CAND2: variants seen among roughly 807,000 people sequenced by gnomAD.
CAND2 encodes the protein cullin associated and neddylation dissociated 2 (putative).
A neutral mutation model predicts 98.9 loss-of-function variants in CAND2; 62 were observed. That is an observed-to-expected ratio of 0.63 (90% confidence interval 0.51 to 0.77). The LOEUF (loss-of-function observed/expected upper bound fraction) is 0.77, where lower values mean the gene tolerates loss of function less well. CAND2 is among the 30% of genes least tolerant of loss of function. The pLI is 0.00. For missense variants in CAND2, 1,501 were observed against 1,655.2 expected (o/e 0.91, Z 1.62); for synonymous variants, 770 against 731.9 (o/e 1.05, Z -0.84).
intron 11 of CAND2, among the ~76,000 whole-genome samples, chr3:12,821,132 G>A (rs1290851540): frequency 6.6e-6 from 1 of 152,072 alleles, no homozygotes; most frequent in African/African-American, 2.4e-5. Flanking sequence ...TACTCTGGAG[G>A]CTGAGGCAGG....
chr3:12,816,493 A>C lies in CAND2; in HGVS notation c.1561A>C (p.Ile521Leu), dbSNP rs779522574. 9 of 1,613,802 alleles carry C rather than the reference A, an allele frequency of 5.6e-6. No homozygotes were observed. Among genetic ancestry groups the C allele is most frequent in the Non-Finnish European group, 6.8e-6 (8 of 1,179,952 alleles). ...TGAGGCCTTCCACCCACACTTGCCT[A>C]TCCTCCTGCCACCTGTGATGGCCTG... is the stretch of plus-strand genomic sequence containing the variant. The part of the protein sequence containing the change: ...PAEAFHPHLP[I>L]LLPPVMACVA... The change falls in exon 10 of 15, where the codon ATC becomes CTC. Residue 521 changes from isoleucine to leucine, a missense_variant. By Grantham distance (5) the Ile-to-Leu change is conservative. Transcript: ENST00000456430.
intron 14 of CAND2, among the ~76,000 whole-genome samples, chr3:12,833,048 G>T (rs1473231225): frequency 6.6e-6 from 1 of 152,192 alleles, no homozygotes; most frequent in Non-Finnish European, 1.5e-5. Flanking sequence ...GTAGTTACCT[G>T]AAGTCACAGC....
At chr3:12,820,486 A>G (rs2061948691) in intron 11 of CAND2, among the ~76,000 whole-genome samples, 1 of 152,234 alleles carries the variant, frequency 6.6e-6, no homozygotes, top group African/African-American at 2.4e-5. Context: ...CTGGAAGCCC[A>G]TGGGCAACTG....
intron 1 of CAND2, among the ~76,000 whole-genome samples, chr3:12,802,847 C>T (rs1369634554): frequency 6.6e-6 from 1 of 152,168 alleles, no homozygotes; most frequent in Non-Finnish European, 1.5e-5. Flanking sequence ...GCCTGTTGCT[C>T]CTAGGCTACA....
intron 2 of CAND2, among the ~76,000 whole-genome samples, chr3:12,805,655 C>G (rs887439375): frequency 6.6e-6 from 1 of 152,132 alleles, no homozygotes; most frequent in Admixed American, 6.6e-5. Flanking sequence ...AATTTTCCTT[C>G]AATTTACCTG....
rs181914162 is a variant in CAND2 at position 12,816,791 on chromosome 3, G to A, written c.1859G>A (p.Arg620His). 524 of 1,613,618 alleles carry A rather than the reference G, an allele frequency of 3.2e-4. 2 individuals are homozygous for A. The African/African-American group carries it at 6.0e-3, about 18-fold the overall frequency. The stretch of plus-strand genomic sequence containing the variant: ...CCCACGTTACTGCTCCTCCTGGACC[G>A]CCTGCGGAATGAGATCACCCGGCTG... ...LEPTLLLLLD[R>H]LRNEITRLPA... is the part of the protein sequence containing the mutation. The change falls in exon 10 of 15, where the codon CGC (arginine) becomes CAC (histidine). Residue 620 changes from arginine to histidine, a missense_variant. Transcript: ENST00000456430.
At chr3:12,816,264 T>G in intron 9 of CAND2, 110 bp from the exon 10 acceptor site, 1 of 1,115,134 alleles carries the variant, frequency 9.0e-7, no homozygotes, top group Non-Finnish European at 1.3e-6. Flanking sequence ...CAGAAGAGTT[T>G]AGGTGCTTCA....
intron 11 of CAND2, among the ~76,000 whole-genome samples, chr3:12,823,558 C>T (rs2061975475): frequency 2.0e-5 from 3 of 152,140 alleles, no homozygotes; most frequent in African/African-American, 7.2e-5. Context: ...GAAACCCCGT[C>T]TCTACTAAAA....
chr3:12,826,552 T>A (rs2124869922), intron 12 of CAND2, among the ~76,000 whole-genome samples: 1 of 151,678 alleles, frequency 6.6e-6, no homozygotes, highest in East Asian at 2.0e-4. Context: ...CTCAGCCTCC[T>A]GAGTAGCTGG....
At chr3:12,804,388 A>G (rs1575764127) in intron 2 of CAND2, among the ~76,000 whole-genome samples, 1 of 152,234 alleles carries the variant, frequency 6.6e-6, no homozygotes, top group African/African-American at 2.4e-5. Flanking sequence ...GCTTGAACCC[A>G]GGAGGCAGAG....
intron 4 of CAND2, among the ~76,000 whole-genome samples, chr3:12,808,776 G>A (rs528287027): frequency 6.6e-6 from 1 of 152,302 alleles, no homozygotes; most frequent in African/African-American, 2.4e-5. Flanking sequence ...CTTCGAGGAG[G>A]GGCAGGACTT....
At chr3:12,805,940 C>T (rs572537049) in intron 2 of CAND2, among the ~76,000 whole-genome samples, 7 of 152,224 alleles carry the variant, frequency 4.6e-5, no homozygotes, top group East Asian at 1.9e-4. Context: ...CATAAATTGC[C>T]AAGGTGGTAT....
rs549297253 is a variant in CAND2 at position 12,807,417 on chromosome 3, T to C, written c.324T>C (p.Ile108=). The C allele has an allele frequency of 2.8e-5, 44 of 1,551,618 alleles. No individual in the cohort carries two copies. Among genetic ancestry groups the C allele is most frequent in the Non-Finnish European group, 3.7e-5 (43 of 1,146,972 alleles). The part of the protein sequence containing the change: ...DKEQLRDIAG[I]GLKTVLSELP... ...AGCAGCTGCGAGACATTGCCGGCAT[T>C]GGCCTCAAGACCGTCCTCTCGGAGC... Residue 108 remains isoleucine, a synonymous_variant, in exon 3 of 15, where the codon ATT becomes ATC. Coordinates refer to ENST00000456430, the MANE Select transcript of CAND2 (RefSeq NM_001162499.2).
chr3:12,815,172 C>T lies in CAND2; in HGVS notation c.1038C>T (p.Asp346=). ...ESEDEYSDDD[D]MSWKVRRAAA... Reference sequence around the variant, plus strand: ...AAGACGAGTACAGCGATGACGATGACATGAGCTGGAAGGTGCGCCGGGCAG... The same window carrying T: ...AAGACGAGTACAGCGATGACGATGATATGAGCTGGAAGGTGCGCCGGGCAG... Residue 346 remains aspartate, a synonymous_variant, in exon 8 of 15, where the codon GAC becomes GAT. Transcript: ENST00000456430. This position sits in a 1 kb window ranked among gnomAD's most constrained non-coding sequence, Gnocchi z 5.7. 6.2e-7 allele frequency: 1 copy of T among 1,612,744 alleles called. No homozygotes were observed. The highest frequency in any genetic ancestry group is 8.5e-7 in the Non-Finnish European group (1 of 1,179,124).
intron 11 of CAND2, 104 bp downstream of exon 11, chr3:12,820,285 C>A: frequency 1.2e-6 from 1 of 816,306 alleles, no homozygotes; most frequent in Non-Finnish European, 1.9e-6. Flanking sequence ...ATGGGAGACC[C>A]GGGAGGTGTG....
Position 12,816,973 on chromosome 3 carries a change from C to G in CAND2, c.2041C>G (p.Gln681Glu), listed in dbSNP as rs1298806854. Residue 681 changes from glutamine to glutamate, a missense_variant, in exon 10 of 15, where the codon CAG becomes GAG. Physicochemically the swap from Gln to Glu is conservative, Grantham distance 29 (BLOSUM62 2). This residue lies in a region of CAND2 where 1,427 missense variants were observed against 1,545.3 expected (regional missense o/e 0.92). Coordinates refer to ENST00000456430, the MANE Select transcript of CAND2 (RefSeq NM_001162499.2). ...ATLAALDALAQSQGLSLPPSA... is the reference protein window; with the variant it reads ...ATLAALDALAESQGLSLPPSA... The stretch of plus-strand genomic sequence containing the variant: ...ACTGGCAGCCCTGGACGCCCTGGCC[C>G]AGAGCCAGGGCCTCAGCCTCCCACC... 2 of 1,613,030 alleles carry G rather than the reference C, an allele frequency of 1.2e-6. No individual in the cohort carries two copies. Among genetic ancestry groups the G allele is most frequent in the Admixed American group, 1.7e-5 (1 of 59,994 alleles).
chr3:12,804,515 C>T (rs1382526407), intron 2 of CAND2, among the ~76,000 whole-genome samples: 4 of 152,068 alleles, frequency 2.6e-5, no homozygotes, highest in African/African-American at 9.7e-5. Flanking sequence ...GGGAGAGGTC[C>T]TAAAAGCCCC....
intron 10 of CAND2, 71 bp from the exon 11 acceptor site, chr3:12,820,015 G>A (rs2061943535): frequency 1.6e-6 from 2 of 1,232,714 alleles, no homozygotes; most frequent in Admixed American, 1.7e-5. Context: ...AGGAGCCTAA[G>A]CACCTTCTGA....
At chr3:12,809,885 A>G (rs2061836429) in intron 4 of CAND2, 174 bp from the exon 5 acceptor site, 1 of 725,838 alleles carries the variant, frequency 1.4e-6, no homozygotes, top group African/African-American at 1.9e-5. Flanking sequence ...TCTCTCATGT[A>G]ACAAAAGTAA....
Sources: allele counts gnomAD v4.1 joint callset (sites outside exome capture counted in the v4.1 genomes callset), GRCh38; gene constraint gnomAD v4.1.1; regional missense constraint gnomAD v4.1.1; non-coding constraint Gnocchi (gnomAD v3.1); transcripts MANE v1.5; gene names NCBI Gene and HGNC (gene_info 2026-07-23, HGNC 2026-07-21).